Variants in PDE10A observed in about 807,000 individuals in gnomAD.
The protein encoded by PDE10A is phosphodiesterase 10A.
PDE10A carries 39 observed loss-of-function variants against 97.7 expected under a neutral mutation model. That is an observed-to-expected ratio of 0.40 (90% CI 0.31 to 0.52). The LOEUF is 0.52. Ranked by LOEUF, PDE10A falls within the 20% of genes least tolerant of loss-of-function variation. The probability of loss-of-function intolerance (pLI) is 0.56; values close to 1 mark genes in which losing one functional copy is unlikely to be tolerated. For synonymous variants in PDE10A, 371 were observed against 376.8 expected (o/e 0.98, Z 0.18); for missense variants, 731 against 1,047.8 (o/e 0.70, Z 4.17).
intron 1 of PDE10A, among the ~76,000 whole-genome samples, chr6:165,979,673 G>T (rs531817375): frequency 1.1e-4 from 17 of 152,250 alleles, no homozygotes; most frequent in African/African-American, 3.9e-4. Flanking sequence ...CAAGGCAGGG[G>T]TTATCAACTC....
At chr6:165,665,576 G>C (rs1052766236), upstream of PDE10A, among the ~76,000 whole-genome samples, 1 of 152,062 alleles carries the variant, frequency 6.6e-6, no homozygotes, top group Non-Finnish European at 1.5e-5. Flanking sequence ...TAAGCATACT[G>C]TCATTATTAG....
chr6:165,800,089 T>G (rs772587393), intron 1 of PDE10A, among the ~76,000 whole-genome samples: 1 of 152,206 alleles, frequency 6.6e-6, no homozygotes, highest in Non-Finnish European at 1.5e-5. Context: ...GCACCTTCTT[T>G]CTGAGCTGAA....
At chr6:165,340,897 G>A (rs1427033882) in intron 19 of PDE10A, among the ~76,000 whole-genome samples, 1 of 152,156 alleles carries the variant, frequency 6.6e-6, no homozygotes, top group African/African-American at 2.4e-5. Context: ...TCAGAAGCAG[G>A]GTACGGATGG....
intron 18 of PDE10A, among the ~76,000 whole-genome samples, chr6:165,361,006 C>A (rs527834263): frequency 2.6e-5 from 4 of 152,238 alleles, no homozygotes; most frequent in African/African-American, 9.6e-5. Flanking sequence ...CCTGCTCTTG[C>A]CACTTAAATT....
Position 165,577,000 on chromosome 6 carries a change from G to C in PDE10A, c.866-33432C>G, listed in dbSNP as rs1412883998. Among the ~76,000 whole-genome samples the C allele has an allele frequency of 5.3e-5, 8 of 152,172 alleles. No individual in the cohort carries two copies. The East Asian group carries it at 1.3e-3, about 26-fold the overall frequency. ...CACTCTTCTTCCAATGTGCATACCA[G>C]GCCTACAGCCAAAGAGCTGATCTTG... On this transcript the variant is annotated intron_variant, in intron 1 of 21. Transcript: ENST00000539869.
intron 1 of PDE10A, among the ~76,000 whole-genome samples, chr6:165,843,607 C>A (rs1446415479): frequency 6.6e-6 from 1 of 152,160 alleles, no homozygotes; most frequent in Non-Finnish European, 1.5e-5. Context: ...TCCACGGACA[C>A]CCACCCCATC....
chr6:165,672,071 G>A (rs1382424350), intron 1 of PDE10A, among the ~76,000 whole-genome samples: 1 of 152,158 alleles, frequency 6.6e-6, no homozygotes, highest in Non-Finnish European at 1.5e-5. Context: ...TCAGAAGACA[G>A]ATCAATATAG....
At chr6:165,712,797 G>A (rs754241904) in intron 1 of PDE10A, among the ~76,000 whole-genome samples, 52 of 151,782 alleles carry the variant, frequency 3.4e-4, no homozygotes, top group Non-Finnish European at 5.3e-4. Context: ...CCGCCACCAC[G>A]CCCGGCTTAT....
chr6:165,923,234 C>G (rs1377968678), intron 1 of PDE10A, among the ~76,000 whole-genome samples: 2 of 152,166 alleles, frequency 1.3e-5, no homozygotes, highest in Non-Finnish European at 2.9e-5. Context: ...AAAGGGCTTG[C>G]TTTTATCAAT....
intron 1 of PDE10A, among the ~76,000 whole-genome samples, chr6:165,839,902 T>G (rs1315148049): frequency 0.041 from 76 of 1,864 alleles, no homozygotes; most frequent in Middle Eastern, 0.17. Flanking sequence ...CCCATTCCCA[T>G]CTCCAACTCC....
chr6:165,708,440 C>A (rs1426534365), intron 1 of PDE10A, among the ~76,000 whole-genome samples: 2 of 151,944 alleles, frequency 1.3e-5, no homozygotes, highest in Non-Finnish European at 2.9e-5. Context: ...CCTGTCAGTG[C>A]CCTCTGCACC....
At chr6:165,511,369 T>C (rs1032084781) in intron 2 of PDE10A, among the ~76,000 whole-genome samples, 4 of 152,056 alleles carry the variant, frequency 2.6e-5, no homozygotes, top group Non-Finnish European at 5.9e-5. Context: ...CAAGTTTTAT[T>C]GTAGTCTGAG....
chr6:165,886,522 G>A (rs568195054), intron 1 of PDE10A, among the ~76,000 whole-genome samples: 22 of 152,368 alleles, frequency 1.4e-4, no homozygotes, highest in African/African-American at 4.8e-4. Flanking sequence ...GTGAGTACAG[G>A]AACAGGACTC....
In PDE10A at chr6:165,604,908, T is replaced by G. The variant is rs1218294497; in HGVS notation, c.865+57039A>C. On this transcript the variant is annotated intron_variant, in intron 1 of 21. Coordinates refer to ENST00000539869, the MANE Select transcript of PDE10A (RefSeq NM_001385079.1). ...TGTTTGAGTTTTTAAAGTGAATAAT[T>G]CCTACACAGAAAACTTGACAGTTAA... is the stretch of plus-strand genomic sequence containing the variant. Among the ~76,000 whole-genome samples the G allele has an allele frequency of 2.0e-5, 3 of 152,180 alleles. No individual in the cohort carries two copies. In the East Asian group the frequency reaches 5.8e-4, roughly 29 times the overall value.
At chr6:165,712,330 C>T (rs966734820) in intron 1 of PDE10A, among the ~76,000 whole-genome samples, 5 of 152,188 alleles carry the variant, frequency 3.3e-5, no homozygotes, top group Admixed American at 6.5e-5. Flanking sequence ...ATCTACAACA[C>T]GTGATGTGCG....
chr6:165,800,370 T>C (rs944885806), intron 1 of PDE10A, among the ~76,000 whole-genome samples: 2 of 152,220 alleles, frequency 1.3e-5, no homozygotes, highest in African/African-American at 4.8e-5. Context: ...TTATACTGTG[T>C]TGGAAAGGCC....
intron 1 of PDE10A, among the ~76,000 whole-genome samples, chr6:165,658,650 A>G (rs1790083272): frequency 6.6e-6 from 1 of 152,230 alleles, no homozygotes; most frequent in Non-Finnish European, 1.5e-5. Context: ...AGAAGACCAA[A>G]TGCCACTCAC....
intron 1 of PDE10A, among the ~76,000 whole-genome samples, chr6:165,645,162 C>G (rs1033073970): frequency 2.0e-5 from 3 of 152,148 alleles, no homozygotes; most frequent in African/African-American, 7.2e-5. Context: ...ATCCAGCACC[C>G]CTGCCAGGGC....
chr6:165,796,459 CT>C (rs1562741327), intron 1 of PDE10A, among the ~76,000 whole-genome samples: 1 of 152,286 alleles, frequency 6.6e-6, no homozygotes, highest in East Asian at 1.9e-4. Context: ...TTATCTTGAT[CT>C]TATTTTGGTT....
Sources: allele counts gnomAD v4.1 joint callset (sites outside exome capture counted in the v4.1 genomes callset), GRCh38; gene constraint gnomAD v4.1.1; transcripts MANE v1.5; gene names NCBI Gene and HGNC (gene_info 2026-07-23, HGNC 2026-07-21).